EYA4: variants seen among roughly 807,000 people sequenced by gnomAD.
The protein encoded by EYA4 is EYA transcriptional coactivator and phosphatase 4, also known as protein phosphatase EYA4.
EYA4 carries 31 observed loss-of-function variants against 87.9 expected under a neutral mutation model. The observed-to-expected ratio is 0.35, with a 90% CI of 0.27 to 0.48. EYA4 has a LOEUF of 0.48. EYA4 is among the 20% of genes least tolerant of loss of function. EYA4 has a pLI of 0.99. For missense variants in EYA4, 678 were observed against 761.4 expected, an observed-to-expected ratio of 0.89 and a Z score of 1.29; for synonymous variants, 263 against 270.6, an observed-to-expected ratio of 0.97 and a Z score of 0.28.
intron 3 of EYA4, among the ~76,000 whole-genome samples, chr6:133,420,371 T>C (rs770591430): frequency 5.9e-5 from 9 of 152,216 alleles, no homozygotes; most frequent in Non-Finnish European, 8.8e-5. Context: ...CTACAAACAA[T>C]ATGTTGCATT....
At chr6:133,383,543 AAATGT>A in intron 3 of EYA4, among the ~76,000 whole-genome samples, 1 of 150,862 alleles carries the variant, frequency 6.6e-6, no homozygotes, top group African/African-American at 2.4e-5. Context: ...AAAAAAAAAA[AAATGT>A]AATGGCCATT....
At chr6:133,253,379 C>T (rs1048517281) in intron 1 of EYA4, among the ~76,000 whole-genome samples, 4 of 152,094 alleles carry the variant, frequency 2.6e-5, no homozygotes, top group Admixed American at 1.3e-4. Flanking sequence ...CGGCCAAAAA[C>T]CCAGAGGTTC....
chr6:133,526,898 T>C (rs1159896618), intron 19 of EYA4, among the ~76,000 whole-genome samples: 4 of 152,220 alleles, frequency 2.6e-5, no homozygotes, highest in Non-Finnish European at 5.9e-5. Flanking sequence ...GCAAATTAAA[T>C]TCACGTATAT....
At chr6:133,423,206 G>T (rs1274199112) in intron 3 of EYA4, among the ~76,000 whole-genome samples, 1 of 152,146 alleles carries the variant, frequency 6.6e-6, no homozygotes, top group Admixed American at 6.5e-5. Context: ...AAATCTAGGA[G>T]GGGTGGACTA....
intron 2 of EYA4, among the ~76,000 whole-genome samples, chr6:133,307,223 C>T (rs1232055589): frequency 6.6e-6 from 1 of 152,148 alleles, no homozygotes; most frequent in Non-Finnish European, 1.5e-5. Flanking sequence ...GTCTTAGCTC[C>T]CTGAGGTTTT....
At chr6:133,329,895 T>A (rs1409284099) in intron 2 of EYA4, among the ~76,000 whole-genome samples, 1 of 152,036 alleles carries the variant, frequency 6.6e-6, no homozygotes, top group Non-Finnish European at 1.5e-5. Context: ...GTGTTTGGGA[T>A]CAATTCTAAA....
intron 2 of EYA4, 39 bp from the exon 3 acceptor site, chr6:133,382,353 T>G (rs1252218191): frequency 2.8e-6 from 4 of 1,444,366 alleles, no homozygotes; most frequent in Non-Finnish European, 2.0e-6. Flanking sequence ...GAGGAAGTTG[T>G]ATTTTCATAT....
rs987840163 is a variant in EYA4 at position 133,484,497 on chromosome 6, G to A, written c.1191+1382G>A. 9.2e-5 allele frequency among the ~76,000 whole-genome samples: 14 copies of A among 152,162 alleles called. No individual in the cohort carries two copies. In the East Asian group the frequency reaches 2.7e-3, roughly 29 times the overall value. On this transcript the variant is annotated intron_variant, in intron 13 of 19. Transcript: ENST00000355286. ...ATGGATATTTCTAAACAGATGTGAAGGTAATAATTTTGTTTAACAACCATT... is the reference window on the plus strand; with the variant it reads ...ATGGATATTTCTAAACAGATGTGAAAGTAATAATTTTGTTTAACAACCATT...
At chr6:133,340,766 T>G (rs148251249) in intron 2 of EYA4, among the ~76,000 whole-genome samples, 6 of 152,296 alleles carry the variant, frequency 3.9e-5, no homozygotes, top group African/African-American at 1.4e-4. Context: ...TGCCTTTTGC[T>G]GTGAGTCATA....
intron 3 of EYA4, among the ~76,000 whole-genome samples, chr6:133,414,185 T>G (rs1395686324): frequency 2.0e-5 from 3 of 152,316 alleles, no homozygotes; most frequent in African/African-American, 7.2e-5. Context: ...TTCCACCTTC[T>G]TCTCCGATCC....
chr6:133,509,770 A>G (rs1370823146), intron 14 of EYA4, among the ~76,000 whole-genome samples: 1 of 152,216 alleles, frequency 6.6e-6, no homozygotes, highest in Non-Finnish European at 1.5e-5. Flanking sequence ...ATTTAAAGTT[A>G]GTTCTAGAAT....
At chr6:133,348,735 C>T (rs1340817470) in intron 2 of EYA4, among the ~76,000 whole-genome samples, 1 of 152,052 alleles carries the variant, frequency 6.6e-6, no homozygotes, top group Non-Finnish European at 1.5e-5. Context: ...TAAAATATAA[C>T]CAGAATTTAA....
intron 17 of EYA4, among the ~76,000 whole-genome samples, chr6:133,518,641 G>A (rs59080198): frequency 0.24 from 36,026 of 151,986 alleles, 6,123 homozygotes; most frequent in African/African-American, 0.48. Context: ...AGCATTACTT[G>A]TAATATTTAG....
rs747791115 is a variant in EYA4, at chr6:133,314,250, T to TA, written c.33+39437_33+39438insA. 1.6e-4 allele frequency among the ~76,000 whole-genome samples: 24 copies of TA among 152,296 alleles called. No individual in the cohort carries two copies. In the East Asian group the frequency reaches 4.2e-3, roughly 27 times the overall value. ...AAGTAGCACCGTATGTGCCAATGTG[T>TA]GACTGTATGCTTGTATATGTTATAC... On this transcript the variant is annotated intron_variant, in intron 2 of 19. Transcript: ENST00000355286.
intron 2 of EYA4, among the ~76,000 whole-genome samples, chr6:133,299,472 G>A (rs1011170495): frequency 3.3e-5 from 5 of 151,980 alleles, no homozygotes; most frequent in Non-Finnish European, 7.4e-5. Context: ...AGGACTTTGG[G>A]AGGCCGAGGT....
At chr6:133,317,404 T>C (rs760050224) in intron 2 of EYA4, among the ~76,000 whole-genome samples, 2 of 152,176 alleles carry the variant, frequency 1.3e-5, no homozygotes, top group Non-Finnish European at 2.9e-5. Flanking sequence ...CCAGTCATCA[T>C]TTCTCCTGGG....
intron 3 of EYA4, among the ~76,000 whole-genome samples, chr6:133,389,172 T>TATAG (rs1787038649): frequency 1.3e-5 from 2 of 152,168 alleles, no homozygotes; most frequent in African/African-American, 4.8e-5. Flanking sequence ...ATTTCACTAG[T>TATAG]ATAGAGACTT....
At chr6:133,385,265 C>T (rs1247094988) in intron 3 of EYA4, among the ~76,000 whole-genome samples, 1 of 144,590 alleles carries the variant, frequency 6.9e-6, no homozygotes, top group Non-Finnish European at 1.5e-5. Flanking sequence ...TGCCACTGCA[C>T]TCCAGCCTGG....
intron 2 of EYA4, among the ~76,000 whole-genome samples, chr6:133,309,167 G>A (rs1780030051): frequency 6.6e-6 from 1 of 151,192 alleles, no homozygotes; most frequent in Non-Finnish European, 1.5e-5. Flanking sequence ...ATATGATACA[G>A]TTTCCTTTAG....
Sources: gnomAD v4.1 joint callset for allele counts (sites outside exome capture counted in the v4.1 genomes callset) on GRCh38, gnomAD v4.1.1 for gene constraint, MANE v1.5 for transcripts, NCBI Gene and HGNC (gene_info 2026-07-23, HGNC 2026-07-21) for gene names.